CLEC16A: variants seen among roughly 807,000 people sequenced by gnomAD.
CLEC16A encodes C-type lectin domain containing 16A, also known as protein CLEC16A.
A neutral mutation model predicts 109.5 loss-of-function variants in CLEC16A; 51 were observed. The ratio of observed to expected loss-of-function variants is 0.47; its 90% CI spans 0.37 to 0.59. CLEC16A has a LOEUF of 0.59. Ranked by LOEUF, CLEC16A falls within the 20% of genes least tolerant of loss-of-function variation. CLEC16A has a pLI of 0.00. For missense variants in CLEC16A, 1,339 were observed against 1,394.0 expected, an observed-to-expected ratio of 0.96 and a Z score of 0.63; for synonymous variants, 673 against 564.2, an observed-to-expected ratio of 1.19 and a Z score of -2.73.
intron 1 of CLEC16A, 140 bp from the exon 2 acceptor site, chr16:10,957,642 T>C (rs1485169341): frequency 1.2e-6 from 1 of 816,184 alleles, no homozygotes; most frequent in Non-Finnish European, 2.0e-6. Flanking sequence ...GTGAGTTACA[T>C]CTAATCTGAA....
chr16:10,948,911 G>C (rs1033555603), intron 1 of CLEC16A, among the ~76,000 whole-genome samples: 1 of 152,142 alleles, frequency 6.6e-6, no homozygotes. Context: ...AATATTGCCA[G>C]CAGAAGTCCA....
Position 11,141,438 on chromosome 16 carries a change from G to T in CLEC16A, c.2641+15292G>T, listed in dbSNP as rs149985580. Among the ~76,000 whole-genome samples the T allele has an allele frequency of 5.5e-3, 845 of 152,306 alleles. 12 individuals carry two copies. The highest frequency in any genetic ancestry group is 0.019 in the African/African-American group (799 of 41,562). On this transcript the variant is annotated intron_variant, in intron 22 of 23. Transcript: ENST00000409790. ...CCTGAAGTGGTGGGGGCCTCAACAG[G>T]GCAAGTCACCCAGAGGGTTCATGCC...
intron 13 of CLEC16A, among the ~76,000 whole-genome samples, chr16:11,034,214 A>G (rs1406187168): frequency 6.6e-6 from 1 of 152,240 alleles, no homozygotes; most frequent in Non-Finnish European, 1.5e-5. Context: ...AATTAGAAGT[A>G]CATTGGAAAT....
At chr16:11,130,761 A>C (rs2053151384) in intron 22 of CLEC16A, among the ~76,000 whole-genome samples, 1 of 152,204 alleles carries the variant, frequency 6.6e-6, no homozygotes, top group Non-Finnish European at 1.5e-5. Context: ...TGCCTAGATA[A>C]TAATTCACAA....
chr16:11,154,770 C>A (rs2054440922), intron 22 of CLEC16A, among the ~76,000 whole-genome samples: 1 of 151,738 alleles, frequency 6.6e-6, no homozygotes, highest in Non-Finnish European at 1.5e-5. Flanking sequence ...ACTAAAAATA[C>A]AAAAAAATTA....
At chr16:11,115,703 C>G (rs79293477) in intron 19 of CLEC16A, among the ~76,000 whole-genome samples, 67 of 151,588 alleles carry the variant, frequency 4.4e-4, no homozygotes, top group South Asian at 3.4e-3. Flanking sequence ...GAAAACAAAC[C>G]CTACCTACCA....
intron 22 of CLEC16A, among the ~76,000 whole-genome samples, chr16:11,138,760 G>T (rs915314595): frequency 6.6e-6 from 1 of 152,078 alleles, no homozygotes; most frequent in East Asian, 1.9e-4. Context: ...ATTTTAGTTC[G>T]CAGGCGCACC....
In CLEC16A at chr16:11,003,157, G is replaced by A; in HGVS notation, c.1155G>A (p.Arg385=). The change falls in exon 11 of 24, where the codon AGG becomes AGA. Residue 385 remains arginine (R), a synonymous_variant. Transcript: ENST00000409790. The part of the protein sequence containing the change: ...SLEMNKHKGK[R]RVQKRPNYKN... The stretch of plus-strand genomic sequence containing the variant: ...AGATGAACAAGCACAAGGGCAAGAG[G>A]CGGGTGCAAAAGAGACCCAACTACA... The A allele has an allele frequency of 1.2e-6, 2 of 1,613,492 alleles. No homozygotes were observed. Among genetic ancestry groups the A allele is most frequent in the Non-Finnish European group, 1.7e-6 (2 of 1,179,826 alleles).
chr16:11,155,117 C>A (rs992690159), intron 22 of CLEC16A, among the ~76,000 whole-genome samples: 9 of 152,108 alleles, frequency 5.9e-5, no homozygotes, highest in Non-Finnish European at 1.0e-4. Flanking sequence ...CAGAGTGAGA[C>A]CCTGTCTCCA....
chr16:11,139,468 A>T (rs1344462413), intron 22 of CLEC16A, among the ~76,000 whole-genome samples: 1 of 152,190 alleles, frequency 6.6e-6, no homozygotes, highest in Non-Finnish European at 1.5e-5. Context: ...TTAACATCTC[A>T]AATTCCCAAA....
intron 18 of CLEC16A, among the ~76,000 whole-genome samples, chr16:11,055,749 A>G (rs1468252386): frequency 6.7e-6 from 1 of 149,732 alleles, no homozygotes; most frequent in Non-Finnish European, 1.5e-5. Context: ...TGATTTTTTA[A>G]TTTTTTTTGT....
At chr16:10,971,592 C>T (rs943289208) in intron 5 of CLEC16A, 22 of 905,460 alleles carry the variant, frequency 2.4e-5, no homozygotes, top group Middle Eastern at 5.6e-4. Context: ...TTTAATACAG[C>T]TAAGGGGTAA....
chr16:11,145,600 G>A (rs1024454276), intron 22 of CLEC16A, among the ~76,000 whole-genome samples: 14 of 152,250 alleles, frequency 9.2e-5, no homozygotes, highest in Non-Finnish European at 8.8e-5. Context: ...CTCTCCCATT[G>A]CAGCCAAAGC....
intron 19 of CLEC16A, among the ~76,000 whole-genome samples, chr16:11,114,773 A>G (rs988810506): frequency 1.3e-5 from 2 of 152,110 alleles, no homozygotes; most frequent in Non-Finnish European, 1.5e-5. Flanking sequence ...GGCGGGACCC[A>G]CAAAGGAGTC....
At chr16:11,089,050 G>C (rs1191736775) in intron 19 of CLEC16A, among the ~76,000 whole-genome samples, 1 of 152,122 alleles carries the variant, frequency 6.6e-6, no homozygotes, top group Non-Finnish European at 1.5e-5. Flanking sequence ...TTCAGGGGAG[G>C]GGGAGGGTGT....
intron 22 of CLEC16A, among the ~76,000 whole-genome samples, chr16:11,152,356 A>C (rs537771869): frequency 6.6e-6 from 1 of 152,316 alleles, no homozygotes; most frequent in African/African-American, 2.4e-5. Flanking sequence ...CATGGGTCTG[A>C]CAGATGGTCC....
intron 19 of CLEC16A, among the ~76,000 whole-genome samples, chr16:11,116,107 G>C (rs942526343): frequency 6.6e-6 from 1 of 152,014 alleles, no homozygotes; most frequent in South Asian, 2.1e-4. Context: ...AAGCACAACT[G>C]GGCCAGATGT....
At chr16:11,101,795 C>A (rs1314105793) in intron 19 of CLEC16A, among the ~76,000 whole-genome samples, 1 of 151,330 alleles carries the variant, frequency 6.6e-6, no homozygotes, top group Admixed American at 6.6e-5. Context: ...TCATTTTTTT[C>A]TTTTCTTTTC....
chr16:11,153,988 A>AC (rs778750983), intron 22 of CLEC16A, among the ~76,000 whole-genome samples: 1 of 152,156 alleles, frequency 6.6e-6, no homozygotes, highest in Non-Finnish European at 1.5e-5. Flanking sequence ...ATAAGTGCCA[A>AC]CCTTATTTCT....
Sources: allele counts gnomAD v4.1 joint callset (sites outside exome capture counted in the v4.1 genomes callset), GRCh38; gene constraint gnomAD v4.1.1; transcripts MANE v1.5; gene names NCBI Gene and HGNC (gene_info 2026-07-23, HGNC 2026-07-21).